GPC5: variants seen among roughly 807,000 people sequenced by gnomAD.
The protein encoded by GPC5 is glypican 5, also known as glypican-5.
In GPC5, 47 loss-of-function variants were observed where a neutral mutation model predicts 53.9. The observed-to-expected ratio is 0.87, with a 90% CI of 0.69 to 1.11. The LOEUF (loss-of-function observed/expected upper bound fraction) is 1.11. Among genes scored for constraint, GPC5 ranks in the 50% most tolerant of loss-of-function variants. The pLI is 0.00. For missense variants in GPC5, 748 were observed against 713.1 expected (o/e 1.05, Z -0.56); for synonymous variants, 286 against 263.3 (o/e 1.09, Z -0.84).
At chr13:92,722,175 C>T (rs918744423) in intron 7 of GPC5, among the ~76,000 whole-genome samples, 15 of 151,928 alleles carry the variant, frequency 9.9e-5, no homozygotes. Flanking sequence ...GATGTAAGCT[C>T]ATTTCAAACA....
At chr13:92,479,818 A>C (rs1034849670) in intron 7 of GPC5, among the ~76,000 whole-genome samples, 1 of 152,220 alleles carries the variant, frequency 6.6e-6, no homozygotes, top group African/African-American at 2.4e-5. Flanking sequence ...TTTTCGGAGA[A>C]AATCTAATTG....
chr13:92,017,835 CAT>C (rs2040720928), intron 6 of GPC5, among the ~76,000 whole-genome samples: 1 of 151,552 alleles, frequency 6.6e-6, no homozygotes, highest in Non-Finnish European at 1.5e-5. Flanking sequence ...TGAGCACACA[CAT>C]ACACACTTCC....
chr13:91,795,841 C>T (rs2038037857), intron 5 of GPC5, among the ~76,000 whole-genome samples: 1 of 152,118 alleles, frequency 6.6e-6, no homozygotes, highest in South Asian at 2.1e-4. Flanking sequence ...CACATGCTCT[C>T]TTTATGAAAC....
chr13:92,158,319 T>A (rs1196229711), intron 7 of GPC5, among the ~76,000 whole-genome samples: 2 of 152,114 alleles, frequency 1.3e-5, no homozygotes, highest in African/African-American at 4.8e-5. Context: ...CCGTTTAGAC[T>A]TATTCTGAAA....
intron 2 of GPC5, among the ~76,000 whole-genome samples, chr13:91,617,649 T>C: frequency 6.6e-6 from 1 of 152,054 alleles, no homozygotes; most frequent in East Asian, 1.9e-4. Flanking sequence ...CCTCCCTCCT[T>C]TCTTTTCTCC....
At chr13:91,856,417 T>G (rs1395813447) in intron 5 of GPC5, among the ~76,000 whole-genome samples, 1 of 151,560 alleles carries the variant, frequency 6.6e-6, no homozygotes, top group East Asian at 1.9e-4. Context: ...CAAGTGTGTA[T>G]TTATTTTAGT....
intron 2 of GPC5, among the ~76,000 whole-genome samples, chr13:91,474,980 G>A (rs1882848999): frequency 6.6e-6 from 1 of 152,088 alleles, no homozygotes; most frequent in Non-Finnish European, 1.5e-5. Flanking sequence ...TAAACAAGAA[G>A]TCAAGCATCA....
intron 6 of GPC5, among the ~76,000 whole-genome samples, chr13:92,006,701 G>A (rs2040609745): frequency 6.6e-6 from 1 of 152,066 alleles, no homozygotes; most frequent in Admixed American, 6.5e-5. Flanking sequence ...GTATTTCTCA[G>A]TAGACTTTTC....
chr13:92,492,360 G>A (rs573422777), intron 7 of GPC5, among the ~76,000 whole-genome samples: 1 of 151,918 alleles, frequency 6.6e-6, no homozygotes, highest in East Asian at 1.9e-4. Flanking sequence ...GGGAGAGGGG[G>A]GAGGGATAGC....
chr13:92,627,048 C>A (rs1350903559), intron 7 of GPC5, among the ~76,000 whole-genome samples: 1 of 152,110 alleles, frequency 6.6e-6, no homozygotes, highest in Non-Finnish European at 1.5e-5. Context: ...AAAATTCTAA[C>A]TTCTTAAAAC....
At chr13:91,881,933 T>C (rs182279464) in intron 5 of GPC5, among the ~76,000 whole-genome samples, 12 of 152,292 alleles carry the variant, frequency 7.9e-5, no homozygotes, top group African/African-American at 2.9e-4. Flanking sequence ...CAGGGAGTTT[T>C]CTACAACTGA....
intron 7 of GPC5, among the ~76,000 whole-genome samples, chr13:92,237,052 C>A (rs947708919): frequency 3.9e-5 from 6 of 152,074 alleles, no homozygotes; most frequent in Admixed American, 6.6e-5. Flanking sequence ...AAACACCCCA[C>A]AACTAATGCC....
intron 7 of GPC5, among the ~76,000 whole-genome samples, chr13:92,326,125 T>C (rs1275488304): frequency 6.6e-6 from 1 of 152,098 alleles, no homozygotes; most frequent in East Asian, 1.9e-4. Flanking sequence ...TATTATTTAC[T>C]GTATTATGTA....
At chr13:91,485,802 A>G (rs1883575890) in intron 2 of GPC5, 2 of 152,224 alleles carry the variant, frequency 1.3e-5, no homozygotes, top group African/African-American at 4.8e-5. Context: ...TCAATTATAT[A>G]GGCACAGACA....
intron 7 of GPC5, among the ~76,000 whole-genome samples, chr13:92,641,050 T>C (rs1480511641): frequency 6.6e-6 from 1 of 151,958 alleles, no homozygotes; most frequent in African/African-American, 2.4e-5. Context: ...AGGCAAGAAA[T>C]ATCACGAGAA....
At chr13:92,238,729 T>C (rs2042587849) in intron 7 of GPC5, among the ~76,000 whole-genome samples, 1 of 151,944 alleles carries the variant, frequency 6.6e-6, no homozygotes, top group African/African-American at 2.4e-5. Flanking sequence ...TTCATTATCT[T>C]GGTGGGGTTA....
At chr13:92,419,840 G>T (rs1449422916) in intron 7 of GPC5, among the ~76,000 whole-genome samples, 1 of 152,084 alleles carries the variant, frequency 6.6e-6, no homozygotes, top group Non-Finnish European at 1.5e-5. Context: ...ATTTTTGGGT[G>T]GTCAGAGCAT....
At chr13:91,556,047 G>A (rs942718507) in intron 2 of GPC5, among the ~76,000 whole-genome samples, 7 of 147,870 alleles carry the variant, frequency 4.7e-5, no homozygotes, top group South Asian at 4.4e-4. Flanking sequence ...AGGATCCCTG[G>A]TGTTGCCCTT....
chr13:91,843,061 C>T (rs1388260181), intron 5 of GPC5, among the ~76,000 whole-genome samples: 1 of 151,936 alleles, frequency 6.6e-6, no homozygotes, highest in Non-Finnish European at 1.5e-5. Flanking sequence ...AATAATCTGC[C>T]ATAGCCATGA....
Sources: gnomAD v4.1 joint callset for allele counts (sites outside exome capture counted in the v4.1 genomes callset) on GRCh38, gnomAD v4.1.1 for gene constraint, MANE v1.5 for transcripts, NCBI Gene and HGNC (gene_info 2026-07-23, HGNC 2026-07-21) for gene names.